The following PHETA2 variants were observed in gnomAD, a reference collection of about 807,000 sequenced individuals.
PHETA2 encodes sesquipedalian-2.
For synonymous variants in PHETA2, 133 were observed against 142.9 expected, an observed-to-expected ratio of 0.93 and a Z score of 0.50; for missense variants, 321 against 341.3, an observed-to-expected ratio of 0.94 and a Z score of 0.47.
chr22:42,077,540 G>C lies in PHETA2; in HGVS notation c.247G>C (p.Glu83Gln). The C allele has an allele frequency of 1.9e-6, 3 of 1,614,164 alleles. No individual in the cohort carries two copies. Among genetic ancestry groups the C allele is most frequent in the Non-Finnish European group, 1.7e-6 (2 of 1,180,028 alleles). ...TVELAEAPVP[E>Q]EFAFAICFDA... ...GGAACTGGCCGAGGCTCCCGTGCCC[G>C]AGGAGTTTGCCTTTGCCATCTGCTT... The change falls in exon 3 of 3, where the codon GAG (glutamate) becomes CAG (glutamine). Residue 83 changes from glutamate to glutamine, a missense_variant. Physicochemically the swap from Glu to Gln is conservative, Grantham distance 29 (BLOSUM62 2). Transcript: ENST00000321753.
rs937646955 is a variant in PHETA2, at chr22:42,077,871, C to G, written c.578C>G (p.Ala193Gly). 1 of 1,613,616 alleles carries G rather than the reference C, an allele frequency of 6.2e-7. No individual in the cohort carries two copies. The change falls in exon 3 of 3, where the codon GCA becomes GGA. Residue 193 changes from alanine (A) to glycine (G), a missense_variant. Coordinates refer to ENST00000321753, the MANE Select transcript of PHETA2 (RefSeq NM_001002034.3). ...GTTGAAGAAGCGGGCAGCAGGTCTG[C>G]AGGGTGGGGGTTGGCTGAGTGGGAG... is the stretch of plus-strand genomic sequence containing the variant. Reference protein sequence around the residue: ...GLVEEAGSRSAGWGLAEWELQ... With the variant: ...GLVEEAGSRSGGWGLAEWELQ...
At position 42,077,384 on chromosome 22, in the gene PHETA2, G is replaced by A; in HGVS notation, c.91G>A (p.Gly31Arg). Residue 31 changes from glycine to arginine, a missense_variant, in exon 3 of 3, where the codon GGG (glycine) becomes AGG (arginine). Physicochemically the swap from Gly to Arg is moderately radical, Grantham distance 125 (BLOSUM62 -2). Transcript: ENST00000321753. ...CTTCCTGCGCACCTGGGGGGGCCCAGGGACCCCACCGACCCCCAGTGGCAC... is the reference window on the plus strand; with the variant it reads ...CTTCCTGCGCACCTGGGGGGGCCCAAGGACCCCACCGACCCCCAGTGGCAC... ...MGFLRTWGGP[G>R]TPPTPSGTGR... 1 of 1,603,998 alleles carries A rather than the reference G, an allele frequency of 6.2e-7. No homozygotes were observed. Among genetic ancestry groups the A allele is most frequent in the Non-Finnish European group, 8.5e-7 (1 of 1,174,546 alleles).
rs756554620 is a variant in PHETA2 at position 42,077,905 on chromosome 22, C to A, written c.612C>A (p.Gly204=). ...GWGLAEWELQ[G]PASLLLGKGQ... Reference sequence around the variant, plus strand: ...GGTTGGCTGAGTGGGAGCTGCAGGGCCCTGCCAGCCTCCTCCTAGGCAAGG... The same window carrying A: ...GGTTGGCTGAGTGGGAGCTGCAGGGACCTGCCAGCCTCCTCCTAGGCAAGG... Residue 204 remains glycine, a synonymous_variant, in exon 3 of 3, where the codon GGC becomes GGA. Transcript: ENST00000321753. The A allele has an allele frequency of 1.2e-6, 2 of 1,613,254 alleles. No individual in the cohort carries two copies. The highest frequency in any genetic ancestry group is 1.1e-5 in the South Asian group (1 of 91,002).
At position 42,075,117 on chromosome 22, in the gene PHETA2, TGG is replaced by T. The variant is rs1198662694; in HGVS notation, c.-96-452_-96-451del. On this transcript the variant is annotated intron_variant, in intron 1 of 2. Coordinates refer to ENST00000321753, the MANE Select transcript of PHETA2 (RefSeq NM_001002034.3). This position sits in a 1 kb window ranked among gnomAD's most constrained non-coding sequence, Gnocchi z 4.8. ...AGCCCCACCCTAGACATTCTGGGGC[TGG>T]GAACAGTGCTGTAAACACATATGAC... Among the ~76,000 whole-genome samples, 1 of 152,082 alleles carries T rather than the reference TGG, an allele frequency of 6.6e-6. No homozygotes were observed. The highest frequency in any genetic ancestry group is 1.5e-5 in the Non-Finnish European group (1 of 68,004).
At position 42,079,433 on chromosome 22, in the gene PHETA2, T is replaced by C. The variant is rs528685649; in HGVS notation, c.*1360T>C. 2.9e-6 allele frequency: 1 copy of C among 350,072 alleles called. No homozygotes were observed. Among genetic ancestry groups the C allele is most frequent in the African/African-American group, 2.1e-5 (1 of 47,068 alleles). 21.7% of individuals were successfully genotyped at this position (350,072 alleles called of 1,614,324 possible). On this transcript the variant is annotated 3_prime_UTR_variant, in exon 3 of 3. Coordinates refer to ENST00000321753, the MANE Select transcript of PHETA2 (RefSeq NM_001002034.3). ...TTAAAACACTAGTAAAGCTTTTTCG[T>C]TATTACTCCTTCCGCTCCCTGGGTT...
chr22:42,077,266 C>G lies in PHETA2; in HGVS notation c.-14-14C>G. On this transcript the variant is annotated splice_polypyrimidine_tract_variant and intron_variant, in intron 2 of 2. Coordinates refer to ENST00000321753, the MANE Select transcript of PHETA2 (RefSeq NM_001002034.3). ...CTCCCTCTCTGATCTGCTGCCATCTCTCTTGCCTCACAGTTCCCGTGGGAG... is the reference window on the plus strand; with the variant it reads ...CTCCCTCTCTGATCTGCTGCCATCTGTCTTGCCTCACAGTTCCCGTGGGAG... 1 of 1,515,256 alleles carries G rather than the reference C, an allele frequency of 6.6e-7. No individual in the cohort carries two copies. The highest frequency in any genetic ancestry group is 8.8e-7 in the Non-Finnish European group (1 of 1,133,354). 93.9% of individuals were successfully genotyped at this position (1,515,256 alleles called of 1,614,324 possible). A position where few individuals can be genotyped will look rare whatever the true frequency, so the allele number is the denominator to read the frequency against.
Position 42,077,709 on chromosome 22 carries a change from G to A in PHETA2, c.416G>A (p.Arg139His), listed in dbSNP as rs146670018. The A allele has an allele frequency of 4.5e-5, 72 of 1,613,964 alleles. No individual in the cohort carries two copies. In the Middle Eastern group the frequency reaches 8.2e-4, roughly 18 times the overall value. The change falls in exon 3 of 3, where the codon CGC (arginine) becomes CAC (histidine). Residue 139 changes from arginine to histidine, a missense_variant. Physicochemically the swap from Arg to His is conservative, Grantham distance 29 (BLOSUM62 0). Coordinates refer to ENST00000321753, the MANE Select transcript of PHETA2 (RefSeq NM_001002034.3). ...TTGGAGAGCCAGTTGCAGGACGCAC[G>A]CCAGAGCCTGGCTTTGCAACGCCGC... The part of the protein sequence containing the change: ...RELESQLQDA[R>H]QSLALQRRSS...
At position 42,075,908 on chromosome 22, in the gene PHETA2, G is replaced by A. The variant is rs769425037; in HGVS notation, c.-15+256G>A. 2.6e-5 allele frequency: 4 copies of A among 152,340 alleles called. No homozygotes were observed. Among genetic ancestry groups the A allele is most frequent in the Non-Finnish European group, 4.4e-5 (3 of 68,136 alleles). The allele number at this position is 152,340 out of a possible 1,614,324, so 9.4% of individuals were successfully genotyped here. On this transcript the variant is annotated intron_variant, in intron 2 of 2. Transcript: ENST00000321753. This position sits in a 1 kb window ranked among gnomAD's most constrained non-coding sequence, Gnocchi z 4.8. ...CATCTGGCCCTGAAGGCTGCAGATT[G>A]AGACAGAAAAATAATGTTTTATCTG...
chr22:42,076,345 G>A lies in PHETA2; in HGVS notation c.-15+693G>A, dbSNP rs551647063. ...GGAGTTTCTCTCTTGTCACCCAGGT[G>A]GAGTGCAATGGCACAATCTTGGCTC... On this transcript the variant is annotated intron_variant, in intron 2 of 2. Transcript: ENST00000321753. 6.3e-4 allele frequency among the ~76,000 whole-genome samples: 95 copies of A among 151,500 alleles called. 1 individual carries two copies. Among genetic ancestry groups the A allele is most frequent in the African/African-American group, 2.2e-3 (91 of 41,212 alleles).
At position 42,077,314 on chromosome 22, in the gene PHETA2, T is replaced by C. The variant is rs2146854103; in HGVS notation, c.21T>C (p.Ser7=). 3.9e-6 allele frequency: 6 copies of C among 1,536,060 alleles called. No individual in the cohort carries two copies. The East Asian group carries it at 9.0e-5, about 23-fold the overall frequency. MKLNER[S]VAHYALSDSP... ...GAGCCATGAAGCTGAACGAGAGGAG[T>C]GTAGCCCACTATGCACTCAGCGACT... Residue 7 remains serine, a synonymous_variant, in exon 3 of 3, where the codon AGT becomes AGC. Transcript: ENST00000321753.
rs747018766 is a variant in PHETA2, at chr22:42,077,447, C to CT, written c.155dup (p.Phe53IlefsTer4). The CT allele has an allele frequency of 1.2e-6, 2 of 1,613,864 alleles. No individual in the cohort carries two copies. ...CTGGTTTGTCCTCAAGGGCAACCTG[C>CT]TATTCTCCTTTGAGAGTCGCGAGGG... On this transcript the variant is annotated frameshift_variant, in exon 3 of 3. Coordinates refer to ENST00000321753, the MANE Select transcript of PHETA2 (RefSeq NM_001002034.3). LOFTEE classifies it low-confidence loss of function (END_TRUNC).
rs770194177 is a variant in PHETA2, at chr22:42,077,718, T to C, written c.425T>C (p.Leu142Pro). 10 of 1,613,958 alleles carry C rather than the reference T, an allele frequency of 6.2e-6. No individual in the cohort carries two copies. In the East Asian group the frequency reaches 2.2e-4, roughly 36 times the overall value. The part of the protein sequence containing the change: ...ESQLQDARQS[L>P]ALQRRSSWKS... ...CAGTTGCAGGACGCACGCCAGAGCC[T>C]GGCTTTGCAACGCCGCTCATCCTGG... Residue 142 changes from leucine (L) to proline (P), a missense_variant, in exon 3 of 3, where the codon CTG becomes CCG. Leu to Pro is a moderately conservative substitution (Grantham distance 98, BLOSUM62 -3). Coordinates refer to ENST00000321753, the MANE Select transcript of PHETA2 (RefSeq NM_001002034.3).
At position 42,077,311 on chromosome 22, in the gene PHETA2, G is replaced by A. The variant is rs200559139; in HGVS notation, c.18G>A (p.Arg6=). Residue 6 remains arginine, a synonymous_variant, in exon 3 of 3, where the codon AGG becomes AGA. Coordinates refer to ENST00000321753, the MANE Select transcript of PHETA2 (RefSeq NM_001002034.3). MKLNE[R]SVAHYALSDS... Reference sequence around the variant, plus strand: ...TGGGAGCCATGAAGCTGAACGAGAGGAGTGTAGCCCACTATGCACTCAGCG... The same window carrying A: ...TGGGAGCCATGAAGCTGAACGAGAGAAGTGTAGCCCACTATGCACTCAGCG... 2.0e-5 allele frequency: 30 copies of A among 1,527,140 alleles called. No homozygotes were observed. The highest frequency in any genetic ancestry group is 2.5e-5 in the Non-Finnish European group (29 of 1,138,096). 94.6% of individuals were successfully genotyped at this position (1,527,140 alleles called of 1,614,324 possible).
Position 42,078,034 on chromosome 22 carries a change from G to C in PHETA2, c.741G>C (p.Gln247His). The change falls in exon 3 of 3, where the codon CAG (glutamine) becomes CAC (histidine). Residue 247 changes from glutamine to histidine, a missense_variant. Transcript: ENST00000321753. ...ELRQCWQKRA[Q>H]GSHSKCEEQD... ...GGCAGTGTTGGCAGAAGAGGGCCCA[G>C]GGGAGCCACTCAAAATGTGAGGAAC... The C allele has an allele frequency of 6.2e-7, 1 of 1,608,000 alleles. No individual in the cohort carries two copies. Among genetic ancestry groups the C allele is most frequent in the South Asian group, 1.1e-5 (1 of 90,154 alleles).
chr22:42,074,939 T>C (rs1031495964), intron 1 of PHETA2, among the ~76,000 whole-genome samples: 1 of 152,238 alleles, frequency 6.6e-6, no homozygotes, highest in Non-Finnish European at 1.5e-5. Context: ...TTGCCTACAG[T>C]GTGTTTCCCC....
Position 42,077,709 on chromosome 22 carries a change from G to C in PHETA2, c.416G>C (p.Arg139Pro). Residue 139 changes from arginine (R) to proline (P), a missense_variant, in exon 3 of 3, where the codon CGC becomes CCC. Coordinates refer to ENST00000321753, the MANE Select transcript of PHETA2 (RefSeq NM_001002034.3). ...RELESQLQDA[R>P]QSLALQRRSS... ...TTGGAGAGCCAGTTGCAGGACGCAC[G>C]CCAGAGCCTGGCTTTGCAACGCCGC... The C allele has an allele frequency of 4.3e-6, 7 of 1,614,082 alleles. No individual in the cohort carries two copies. The highest frequency in any genetic ancestry group is 5.9e-6 in the Non-Finnish European group (7 of 1,180,042).
intron 1 of PHETA2, among the ~76,000 whole-genome samples, chr22:42,074,945 TC>T (rs928185297): frequency 6.6e-6 from 1 of 152,188 alleles, no homozygotes; most frequent in African/African-American, 2.4e-5. Flanking sequence ...ACAGTGTGTT[TC>T]CCCCTGTGGG....
At position 42,078,283 on chromosome 22, in the gene PHETA2, GA is replaced by G. The variant is rs1927421881; in HGVS notation, c.*212del. ...CTTTATTTCCTGAGGTCCAGAGAAG[GA>G]AGGAGACTTAGCAGCCACAGAGCAA... On this transcript the variant is annotated 3_prime_UTR_variant, in exon 3 of 3. Transcript: ENST00000321753. The G allele has an allele frequency of 1.7e-6, 1 of 577,158 alleles. No individual in the cohort carries two copies. The highest frequency in any genetic ancestry group is 3.0e-6 in the Non-Finnish European group (1 of 336,080). The allele number at this position is 577,158 out of a possible 1,614,324, so 35.8% of individuals were successfully genotyped here.
At chr22:42,077,151 T>C (rs2146853973) in intron 2 of PHETA2, 129 bp from the exon 3 acceptor site, 1 of 765,056 alleles carries the variant, frequency 1.3e-6, no homozygotes, top group Non-Finnish European at 2.0e-6. Context: ...TTAGGGACCT[T>C]AGGGACACAG....
Sources: gnomAD v4.1 joint callset for allele counts (sites outside exome capture counted in the v4.1 genomes callset) on GRCh38, gnomAD v4.1.1 for gene constraint, Gnocchi (gnomAD v3.1) non-coding constraint, MANE v1.5 for transcripts, NCBI Gene and HGNC (gene_info 2026-07-23, HGNC 2026-07-21) for gene names.